PKHD1: variants seen among roughly 807,000 people sequenced by gnomAD.
PKHD1 encodes fibrocystin.
In PKHD1, 291 loss-of-function variants were observed where a neutral mutation model predicts 412.0. That is an observed-to-expected ratio of 0.71 (90% confidence interval 0.64 to 0.78). The LOEUF (loss-of-function observed/expected upper bound fraction) is 0.78, where lower values mean the gene tolerates loss of function less well. Ranked by LOEUF, PKHD1 falls within the 30% of genes least tolerant of loss-of-function variation. The pLI, the probability that PKHD1 is intolerant of heterozygous loss-of-function variation, is 0.00. For synonymous variants in PKHD1, 1,777 were observed against 1,821.5 expected (o/e 0.98, Z 0.62); for missense variants, 4,825 against 4,950.7 (o/e 0.97, Z 0.76).
In PKHD1 at chr6:52,025,974, G is replaced by A. The variant is rs747583588; in HGVS notation, c.3836C>T (p.Ala1279Val). 19 of 1,614,116 alleles carry A rather than the reference G, an allele frequency of 1.2e-5. No homozygotes were observed. Among genetic ancestry groups the A allele is most frequent in the Non-Finnish European group, 1.6e-5 (19 of 1,180,024 alleles). Reference protein sequence around the residue: ...VEVWAGNRFFARGPSPSLVGK... With the variant: ...VEVWAGNRFFVRGPSPSLVGK... ...CACCAAGCTTGGTGAAGGACCACGG[G>A]CGAAGAACCTGTTGCCAGCCCAGAC... Residue 1279 changes from alanine (A) to valine (V), a missense_variant, in exon 32 of 67, where the codon GCC (alanine) becomes GTC (valine). Ala to Val is a moderately conservative substitution (Grantham distance 64, BLOSUM62 0). Coordinates refer to ENST00000371117, the MANE Select transcript of PKHD1 (RefSeq NM_138694.4).
At chr6:51,922,243 G>C (rs905759699) in intron 37 of PKHD1, among the ~76,000 whole-genome samples, 12 of 152,202 alleles carry the variant, frequency 7.9e-5, no homozygotes, top group Non-Finnish European at 1.5e-4. Context: ...GTTTGCCTGG[G>C]TATCACCAGC....
chr6:51,641,627 G>T (rs1467358355), intron 63 of PKHD1, among the ~76,000 whole-genome samples: 3 of 152,134 alleles, frequency 2.0e-5, no homozygotes, highest in Non-Finnish European at 4.4e-5. Flanking sequence ...CAATAGCAAA[G>T]ACTTGGAATC....
chr6:51,941,870 C>T (rs868547068), intron 36 of PKHD1, among the ~76,000 whole-genome samples: 10 of 151,566 alleles, frequency 6.6e-5, no homozygotes, highest in Non-Finnish European at 4.4e-5. Flanking sequence ...GGCTGTACTG[C>T]CGCAAGCCTT....
chr6:51,633,116 A>G (rs1159873747), intron 64 of PKHD1, among the ~76,000 whole-genome samples: 8 of 152,278 alleles, frequency 5.3e-5, no homozygotes, highest in African/African-American at 1.9e-4. Flanking sequence ...TATCTACTCA[A>G]TACGTGCCAT....
At position 52,024,650 on chromosome 6, in the gene PKHD1, G is replaced by A. The variant is rs754333450; in HGVS notation, c.5160C>T (p.Asp1720=). 23 of 1,614,178 alleles carry A rather than the reference G, an allele frequency of 1.4e-5. No homozygotes were observed. The highest frequency in any genetic ancestry group is 1.9e-5 in the Non-Finnish European group (22 of 1,179,994). ...PAGEYHVRGY[D]CIRGWASSAL... ...CAGATGAGGCCCACCCTCTGATGCAGTCATAGCCTCTGACGTGGTACTCCC... is the reference window on the plus strand; with the variant it reads ...CAGATGAGGCCCACCCTCTGATGCAATCATAGCCTCTGACGTGGTACTCCC... The change falls in exon 32 of 67, where the codon GAC becomes GAT. Residue 1720 remains aspartate, a synonymous_variant. Transcript: ENST00000371117.
Position 51,996,887 on chromosome 6 carries a change from A to C in PKHD1, c.5751+13422T>G, listed in dbSNP as rs113930891. Among the ~76,000 whole-genome samples the C allele has an allele frequency of 4.6e-3, 702 of 152,294 alleles. 6 individuals carry two copies. Among genetic ancestry groups the C allele is most frequent in the African/African-American group, 0.016 (661 of 41,564 alleles). Reference sequence around the variant, plus strand: ...CTTTCCACTTATCAACAGCTTCAAGACTTACCTTCCAGGCATCACTGCTAC... The same window carrying C: ...CTTTCCACTTATCAACAGCTTCAAGCCTTACCTTCCAGGCATCACTGCTAC... On this transcript the variant is annotated intron_variant, in intron 35 of 66. Coordinates refer to ENST00000371117, the MANE Select transcript of PKHD1 (RefSeq NM_138694.4).
intron 29 of PKHD1, among the ~76,000 whole-genome samples, chr6:52,029,933 A>G (rs972117178): frequency 3.9e-5 from 6 of 152,250 alleles, no homozygotes; most frequent in Admixed American, 3.9e-4. Context: ...AAGATAGGGG[A>G]GGAGAAATCC....
intron 14 of PKHD1, among the ~76,000 whole-genome samples, chr6:52,060,626 C>T (rs1361074478): frequency 1.3e-5 from 2 of 151,936 alleles, no homozygotes; most frequent in African/African-American, 4.8e-5. Context: ...ATTTAAATTC[C>T]AGCAACCTAA....
intron 60 of PKHD1, among the ~76,000 whole-genome samples, chr6:51,670,001 T>G (rs1439394098): frequency 6.6e-6 from 1 of 151,672 alleles, no homozygotes; most frequent in African/African-American, 2.4e-5. Context: ...TGTGGTGTGG[T>G]GCTGAAAAAA....
At chr6:51,692,362 A>T (rs1285837432) in intron 60 of PKHD1, among the ~76,000 whole-genome samples, 1 of 151,942 alleles carries the variant, frequency 6.6e-6, no homozygotes, top group East Asian at 1.9e-4. Context: ...TTCAGTACTA[A>T]TCAACTCATC....
rs2128182722 is a variant in PKHD1 at position 52,043,010 on chromosome 6, G to C, written c.2946C>G (p.Val982=). The C allele has an allele frequency of 1.8e-5, 29 of 1,614,092 alleles. No individual in the cohort carries two copies. Among genetic ancestry groups the C allele is most frequent in the Non-Finnish European group, 2.4e-5 (28 of 1,179,928 alleles). Residue 982 remains valine (V), a synonymous_variant, in exon 27 of 67, where the codon GTC becomes GTG. Transcript: ENST00000371117. ...CAACAGGTAGCAAATCTGTCTGACA[G>C]ACTACATTGGTCTGGTTTGAGAAAA... ...KVIFSNQTNV[V]CQTDLLPVGM... is the part of the protein sequence containing the mutation.
chr6:51,708,589 T>C (rs1322278077), intron 60 of PKHD1, among the ~76,000 whole-genome samples: 1 of 152,182 alleles, frequency 6.6e-6, no homozygotes, highest in African/African-American at 2.4e-5. Flanking sequence ...CTTGGTCCAT[T>C]CTCCAGCCAG....
chr6:51,986,994 A>G (rs1364072366), intron 35 of PKHD1, among the ~76,000 whole-genome samples: 2 of 152,216 alleles, frequency 1.3e-5, no homozygotes, highest in Admixed American at 6.5e-5. Flanking sequence ...CATAAATAGC[A>G]TGGCTTTAAA....
At chr6:52,011,777 C>G (rs1799859772) in intron 34 of PKHD1, among the ~76,000 whole-genome samples, 1 of 152,230 alleles carries the variant, frequency 6.6e-6, no homozygotes, top group Non-Finnish European at 1.5e-5. Flanking sequence ...CTGTATCTAC[C>G]TAAGACATGA....
intron 48 of PKHD1, among the ~76,000 whole-genome samples, chr6:51,862,719 A>G (rs1774395202): frequency 6.6e-6 from 1 of 152,224 alleles, no homozygotes; most frequent in Non-Finnish European, 1.5e-5. Flanking sequence ...AATCAAGGTG[A>G]TCAACAAGAA....
At chr6:51,999,956 C>G (rs1397051083) in intron 35 of PKHD1, among the ~76,000 whole-genome samples, 1 of 152,050 alleles carries the variant, frequency 6.6e-6, no homozygotes, top group Non-Finnish European at 1.5e-5. Context: ...TATCTGAGAC[C>G]CTTCATACCT....
chr6:51,835,257 C>A (rs1408766825), intron 51 of PKHD1, among the ~76,000 whole-genome samples: 1 of 152,140 alleles, frequency 6.6e-6, no homozygotes. Context: ...CATAGATGGT[C>A]CAGTATCCAC....
chr6:51,864,847 C>A (rs777375416), intron 48 of PKHD1, among the ~76,000 whole-genome samples: 2 of 151,846 alleles, frequency 1.3e-5, no homozygotes, highest in Non-Finnish European at 2.9e-5. Flanking sequence ...TACGGCACAT[C>A]ACAATTTGGA....
At chr6:51,919,825 T>C (rs1345244838) in intron 37 of PKHD1, among the ~76,000 whole-genome samples, 1 of 152,212 alleles carries the variant, frequency 6.6e-6, no homozygotes, top group Non-Finnish European at 1.5e-5. Context: ...GGTTTGTAGT[T>C]CTCCTTGAAG....
Sources: gnomAD v4.1 joint callset for allele counts (sites outside exome capture counted in the v4.1 genomes callset) on GRCh38, gnomAD v4.1.1 for gene constraint, MANE v1.5 for transcripts, NCBI Gene and HGNC (gene_info 2026-07-23, HGNC 2026-07-21) for gene names.